Variants in GRID1 observed in about 807,000 individuals in gnomAD.
GRID1 encodes glutamate receptor ionotropic, delta-1.
GRID1 carries 28 observed loss-of-function variants against 98.0 expected under a neutral mutation model. The ratio of observed to expected loss-of-function variants is 0.29; its 90% confidence interval spans 0.21 to 0.39. The LOEUF (loss-of-function observed/expected upper bound fraction) is 0.39. Among genes scored for constraint, GRID1 ranks in the 10% least tolerant of loss-of-function variants. The pLI is 1.00. For missense variants in GRID1, 1,111 were observed against 1,340.5 expected (o/e 0.83, Z 2.67); for synonymous variants, 553 against 538.5 (o/e 1.03, Z -0.37).
At chr10:85,870,978 C>T (rs1474525382) in intron 5 of GRID1, among the ~76,000 whole-genome samples, 1 of 151,974 alleles carries the variant, frequency 6.6e-6, no homozygotes, top group African/African-American at 2.4e-5. Flanking sequence ...TAGAGAGGAA[C>T]AAAACTGGAG....
chr10:86,248,836 G>C (rs772617204), intron 2 of GRID1, among the ~76,000 whole-genome samples: 5 of 152,200 alleles, frequency 3.3e-5, no homozygotes, highest in Non-Finnish European at 5.9e-5. Context: ...GCCTCCCAAA[G>C]TGTTAGGAAT....
At chr10:85,988,830 G>A (rs1002654289) in intron 4 of GRID1, among the ~76,000 whole-genome samples, 13 of 152,192 alleles carry the variant, frequency 8.5e-5, no homozygotes, top group Admixed American at 1.3e-4. Flanking sequence ...TTTAATCAAG[G>A]ATGGTGAGAT....
rs148556647 is a variant in GRID1 at position 85,874,959 on chromosome 10, G to A, written c.781-5779C>T. Among the ~76,000 whole-genome samples, 966 of 152,250 alleles carry A rather than the reference G, an allele frequency of 6.3e-3. 13 individuals are homozygous for A. Among genetic ancestry groups the A allele is most frequent in the African/African-American group, 0.021 (881 of 41,552 alleles). On this transcript the variant is annotated intron_variant, in intron 5 of 15. Transcript: ENST00000327946. ...CGGCTCACTGCAACCTCCACCTCCC[G>A]GGTTCAAGCAATTCTCCTGTCTCAG...
In GRID1 at chr10:85,724,633, C is replaced by T. The variant is rs1436819580; in HGVS notation, c.1577G>A (p.Arg526Lys). Residue 526 changes from arginine to lysine, a missense_variant, in exon 11 of 16, where the codon AGG (arginine) becomes AAG (lysine). By Grantham distance (26) the Arg-to-Lys change is conservative. Around this residue, in one of 3 missense-constraint regions of GRID1, gnomAD observed 762 missense variants for 869.1 expected, o/e 0.88. Coordinates refer to ENST00000327946, the MANE Select transcript of GRID1 (RefSeq NM_017551.3). ...CTTGCTGAAGTCCACAACGCTCTCC[C>T]TCTCTGGGGTGATGGTGATGGCAGA... ...AISAITITPERESVVDFSKRY... is the reference protein window; with the variant it reads ...AISAITITPEKESVVDFSKRY... 1.9e-6 allele frequency: 3 copies of T among 1,612,640 alleles called. No homozygotes were observed. The highest frequency in any genetic ancestry group is 2.7e-5 in the African/African-American group (2 of 74,940).
At chr10:86,326,230 G>A (rs867869281) in intron 2 of GRID1, among the ~76,000 whole-genome samples, 2 of 152,322 alleles carry the variant, frequency 1.3e-5, no homozygotes, top group South Asian at 2.1e-4. Flanking sequence ...AAGCATTAAA[G>A]AGACCCAAAA....
At chr10:85,843,243 A>G (rs905042920) in intron 8 of GRID1, among the ~76,000 whole-genome samples, 3 of 152,078 alleles carry the variant, frequency 2.0e-5, no homozygotes, top group African/African-American at 7.2e-5. Flanking sequence ...CTATAGGGAA[A>G]AAAAAATGAA....
At chr10:85,717,366 G>A (rs939365851) in intron 12 of GRID1, among the ~76,000 whole-genome samples, 4 of 152,174 alleles carry the variant, frequency 2.6e-5, no homozygotes, top group African/African-American at 7.2e-5. Context: ...AAATGGCTGG[G>A]GAGGCCTCAG....
chr10:85,980,661 G>T (rs1842533658), intron 4 of GRID1, among the ~76,000 whole-genome samples: 1 of 152,168 alleles, frequency 6.6e-6, no homozygotes, highest in Admixed American at 6.5e-5. Context: ...GTGAAGGGTT[G>T]GTAAGAGAGT....
At chr10:86,018,848 A>G (rs1321167056) in intron 4 of GRID1, among the ~76,000 whole-genome samples, 1 of 152,150 alleles carries the variant, frequency 6.6e-6, no homozygotes, top group Non-Finnish European at 1.5e-5. Context: ...CCACCCATAC[A>G]ATATTGTCTT....
chr10:86,317,572 C>T (rs576437612), intron 2 of GRID1, among the ~76,000 whole-genome samples: 1 of 151,990 alleles, frequency 6.6e-6, no homozygotes, highest in Admixed American at 6.6e-5. Flanking sequence ...GCTGGGATGG[C>T]AGGAAGAAGA....
At chr10:86,224,909 C>T (rs1038852030) in intron 2 of GRID1, among the ~76,000 whole-genome samples, 3 of 152,238 alleles carry the variant, frequency 2.0e-5, no homozygotes, top group African/African-American at 7.2e-5. Flanking sequence ...TCTGAATCAT[C>T]ACCCTCTGCC....
chr10:86,274,667 G>A (rs1847240816), intron 2 of GRID1, among the ~76,000 whole-genome samples: 1 of 151,900 alleles, frequency 6.6e-6, no homozygotes, highest in South Asian at 2.1e-4. Flanking sequence ...TATTCTCTTT[G>A]AAGCAATTGT....
chr10:85,716,402 G>A (rs1354394920), intron 12 of GRID1, among the ~76,000 whole-genome samples: 1 of 151,994 alleles, frequency 6.6e-6, no homozygotes, highest in East Asian at 1.9e-4. Context: ...CACACACCGG[G>A]GACTGTTGTG....
At position 86,233,850 on chromosome 10, in the gene GRID1, G is replaced by A. The variant is rs114357894; in HGVS notation, c.236-27202C>T. ...CTCTGGAAGGCTGACTGCTGTGGAC[G>A]GCATGGCCAAGACTCCCTTGTCCCC... On this transcript the variant is annotated intron_variant, in intron 2 of 15. Coordinates refer to ENST00000327946, the MANE Select transcript of GRID1 (RefSeq NM_017551.3). Among the ~76,000 whole-genome samples the A allele has an allele frequency of 8.1e-3, 1,227 of 151,744 alleles. 17 individuals are homozygous for A. The highest frequency in any genetic ancestry group is 0.028 in the African/African-American group (1,144 of 41,362).
At chr10:85,979,033 C>CT (rs1319421303) in intron 4 of GRID1, among the ~76,000 whole-genome samples, 2 of 152,014 alleles carry the variant, frequency 1.3e-5, no homozygotes, top group African/African-American at 4.8e-5. Flanking sequence ...AAGAGCTGAA[C>CT]TTTGTGTGTA....
chr10:85,837,279 C>T (rs117379647), intron 8 of GRID1, among the ~76,000 whole-genome samples: 46 of 152,314 alleles, frequency 3.0e-4, no homozygotes, highest in Non-Finnish European at 6.2e-4. Flanking sequence ...CACCTTGTCC[C>T]AAACCAACTC....
intron 4 of GRID1, among the ~76,000 whole-genome samples, chr10:86,058,169 C>T (rs186105346): frequency 3.3e-5 from 5 of 152,090 alleles, no homozygotes; most frequent in South Asian, 2.1e-4. Flanking sequence ...ACCCCTGGGC[C>T]CCCCTTCCTC....
intron 12 of GRID1, among the ~76,000 whole-genome samples, chr10:85,715,836 G>C (rs1366228581): frequency 6.6e-6 from 1 of 152,078 alleles, no homozygotes; most frequent in Admixed American, 6.5e-5. Flanking sequence ...TCAGTATCTT[G>C]AAGAGATATT....
At chr10:85,874,159 G>A (rs1460375819) in intron 5 of GRID1, among the ~76,000 whole-genome samples, 1 of 152,050 alleles carries the variant, frequency 6.6e-6, no homozygotes, top group Non-Finnish European at 1.5e-5. Context: ...AAAGTTCCTT[G>A]ATTAGAAAAT....
Sources: allele counts gnomAD v4.1 joint callset (sites outside exome capture counted in the v4.1 genomes callset), GRCh38; gene constraint gnomAD v4.1.1; regional missense constraint gnomAD v4.1.1; transcripts MANE v1.5; gene names NCBI Gene and HGNC (gene_info 2026-07-23, HGNC 2026-07-21).